The following CHST9 variants were observed in gnomAD, a reference collection of about 807,000 sequenced individuals.
CHST9 encodes carbohydrate sulfotransferase 9.
In CHST9, 41 loss-of-function variants were observed where a neutral mutation model predicts 44.4. The observed-to-expected ratio is 0.92, with a 90% CI of 0.72 to 1.20. The LOEUF (loss-of-function observed/expected upper bound fraction) is 1.20. Ranked by LOEUF, CHST9 falls within the 50% of genes most tolerant of loss-of-function variation. The pLI is 0.00. For synonymous variants in CHST9, 171 were observed against 178.4 expected (o/e 0.96, Z 0.33); for missense variants, 504 against 516.5 (o/e 0.98, Z 0.23).
At chr18:27,143,017 T>A (rs1378441357) in intron 1 of CHST9, 112 bp from the exon 2 acceptor site, 7 of 385,128 alleles carry the variant, frequency 1.8e-5, no homozygotes, top group Non-Finnish European at 3.2e-5. Flanking sequence ...TGCACACTAA[T>A]GCTCTGAAGA....
At chr18:26,984,604 G>A (rs1431972168) in intron 4 of CHST9, among the ~76,000 whole-genome samples, 1 of 151,478 alleles carries the variant, frequency 6.6e-6, no homozygotes, top group Non-Finnish European at 1.5e-5. Context: ...GGAAGATATT[G>A]CAATACATGT....
rs563741781 is a variant in CHST9 at position 26,980,738 on chromosome 18, C to A, written c.203-36372G>T. ...CTGTTTAAAAAAAGTCCACACTTTT[C>A]TTGGGGAAAAAAAAGGTTTTATAAT... On this transcript the variant is annotated intron_variant, in intron 4 of 5. Coordinates refer to ENST00000618847, the MANE Select transcript of CHST9 (RefSeq NM_031422.6). 1.8e-4 allele frequency among the ~76,000 whole-genome samples: 28 copies of A among 152,066 alleles called. No homozygotes were observed. The East Asian group carries it at 5.0e-3, about 27-fold the overall frequency.
intron 1 of CHST9, among the ~76,000 whole-genome samples, chr18:27,181,302 C>G (rs768597567): frequency 6.6e-6 from 1 of 152,172 alleles, no homozygotes; most frequent in Admixed American, 6.5e-5. Context: ...GCTGAAGTAA[C>G]TCATCTACAA....
chr18:27,126,686 G>C (rs1472699205), intron 2 of CHST9, among the ~76,000 whole-genome samples: 1 of 152,052 alleles, frequency 6.6e-6, no homozygotes, highest in Non-Finnish European at 1.5e-5. Context: ...GTATGGAGTT[G>C]AGGTTTGTCC....
At chr18:27,155,086 T>TAAAAAAAAAAAAAAAAA in intron 1 of CHST9, among the ~76,000 whole-genome samples, 1 of 108,754 alleles carries the variant, frequency 9.2e-6, no homozygotes, top group Non-Finnish European at 2.0e-5. Context: ...TTTCAAAAGT[T>TAAAAAAAAAAAAAAAAA]AAAAAAAAAA....
chr18:27,016,198 T>C (rs2057152076), intron 4 of CHST9, among the ~76,000 whole-genome samples: 1 of 152,232 alleles, frequency 6.6e-6, no homozygotes, highest in African/African-American at 2.4e-5. Context: ...GCTTGGCTTA[T>C]AAGCTGCTGA....
chr18:26,969,000 CTTTT>C (rs34898136), intron 4 of CHST9, among the ~76,000 whole-genome samples: 6 of 132,750 alleles, frequency 4.5e-5, no homozygotes, highest in Admixed American at 7.6e-5. Context: ...TTTATGCAGT[CTTTT>C]TTTTTTTTTT....
At chr18:26,961,742 A>C (rs936309082) in intron 4 of CHST9, among the ~76,000 whole-genome samples, 10 of 152,202 alleles carry the variant, frequency 6.6e-5, no homozygotes, top group Admixed American at 6.5e-4. Context: ...TTTGCTTTTC[A>C]AAACTTTTTT....
intron 2 of CHST9, among the ~76,000 whole-genome samples, chr18:27,095,164 A>G (rs549893091): frequency 6.6e-6 from 1 of 152,222 alleles, no homozygotes; most frequent in African/African-American, 2.4e-5. Flanking sequence ...ATGAGTAATT[A>G]GCAAGATGAG....
chr18:27,119,069 C>T (rs1273975449), intron 2 of CHST9, among the ~76,000 whole-genome samples: 1 of 152,096 alleles, frequency 6.6e-6, no homozygotes, highest in East Asian at 1.9e-4. Flanking sequence ...AACATTTTCA[C>T]AAGTCTTTGA....
chr18:26,937,518 G>A (rs976300414), intron 5 of CHST9, among the ~76,000 whole-genome samples: 2 of 152,078 alleles, frequency 1.3e-5, no homozygotes, highest in African/African-American at 4.8e-5. Flanking sequence ...AGATACACCT[G>A]GATTCACATT....
chr18:26,989,320 A>T lies in CHST9; in HGVS notation c.202+34796T>A, dbSNP rs539054260. Among the ~76,000 whole-genome samples, 4 of 152,350 alleles carry T rather than the reference A, an allele frequency of 2.6e-5. No individual in the cohort carries two copies. In the East Asian group the frequency reaches 7.7e-4, roughly 29 times the overall value. ...AGATATAGGGATGGCAAATAAGCAT[A>T]TGAAAAGATGCTCAACATCATTAGT... On this transcript the variant is annotated intron_variant, in intron 4 of 5. Coordinates refer to ENST00000618847, the MANE Select transcript of CHST9 (RefSeq NM_031422.6).
chr18:27,025,490 C>T (rs1190025217), intron 3 of CHST9, among the ~76,000 whole-genome samples: 2 of 152,060 alleles, frequency 1.3e-5, no homozygotes, highest in Admixed American at 1.3e-4. Context: ...CCAAAAAATA[C>T]CAGTTTACAC....
chr18:27,075,023 G>C (rs904357564), intron 2 of CHST9, among the ~76,000 whole-genome samples: 2 of 148,652 alleles, frequency 1.3e-5, no homozygotes, highest in Non-Finnish European at 1.5e-5. Flanking sequence ...TTTTTTTTAT[G>C]TGTAAAAGCT....
At chr18:26,953,924 G>A (rs2056285677) in intron 4 of CHST9, among the ~76,000 whole-genome samples, 1 of 152,180 alleles carries the variant, frequency 6.6e-6, no homozygotes, top group South Asian at 2.1e-4. Flanking sequence ...GGTGCCACAT[G>A]TGAAGTCTTG....
chr18:27,012,763 C>G (rs2057100343), intron 4 of CHST9, among the ~76,000 whole-genome samples: 1 of 152,164 alleles, frequency 6.6e-6, no homozygotes, highest in African/African-American at 2.4e-5. Context: ...GATATATTTC[C>G]AAGTTCAGAG....
intron 4 of CHST9, among the ~76,000 whole-genome samples, chr18:26,949,232 G>T (rs1239733926): frequency 1.3e-5 from 2 of 152,206 alleles, no homozygotes; most frequent in Admixed American, 1.3e-4. Context: ...CCAGGAGCAG[G>T]TGGTATTTCT....
intron 1 of CHST9, among the ~76,000 whole-genome samples, chr18:27,172,475 ATAT>A (rs2058840671): frequency 6.6e-6 from 1 of 151,996 alleles, no homozygotes; most frequent in Non-Finnish European, 1.5e-5. Context: ...CAAAGCTGTT[ATAT>A]TATTACCTTT....
intron 4 of CHST9, among the ~76,000 whole-genome samples, chr18:26,963,434 C>A (rs1363133578): frequency 6.6e-6 from 1 of 151,962 alleles, no homozygotes; most frequent in African/African-American, 2.4e-5. Flanking sequence ...ATTACTGAGC[C>A]GTTGGGTCTA....
Sources: gnomAD v4.1 joint callset for allele counts (sites outside exome capture counted in the v4.1 genomes callset) on GRCh38, gnomAD v4.1.1 for gene constraint, MANE v1.5 for transcripts, NCBI Gene and HGNC (gene_info 2026-07-23, HGNC 2026-07-21) for gene names.